Variants in MALRD1 observed in about 807,000 individuals in gnomAD.
MALRD1 encodes the protein MAM and LDL receptor class A domain containing 1.
A neutral mutation model predicts 242.1 loss-of-function variants in MALRD1; 247 were observed. That is an observed-to-expected ratio of 1.02 (90% confidence interval 0.92 to 1.13). The LOEUF (loss-of-function observed/expected upper bound fraction) is 1.13. MALRD1 is among the 50% of genes most tolerant of loss of function. The pLI is 0.00. For synonymous variants in MALRD1, 995 were observed against 866.6 expected (o/e 1.15, Z -2.60); for missense variants, 2,989 against 2,533.1 (o/e 1.18, Z -3.86).
In MALRD1 at chr10:19,204,353, T is replaced by C. The variant is rs757881319; in HGVS notation, c.2150T>C (p.Val717Ala). The change falls in exon 16 of 40, where the codon GTT (valine) becomes GCT (alanine). Residue 717 changes from valine to alanine, a missense_variant. Val to Ala is a moderately conservative substitution (Grantham distance 64). Coordinates refer to ENST00000454679, the MANE Select transcript of MALRD1 (RefSeq NM_001142308.3). ...ILKKSSSLWQVAKLQSPTFSQ... is the reference protein window; with the variant it reads ...ILKKSSSLWQAAKLQSPTFSQ... ...AAGAAAAGCAGCAGCTTGTGGCAAG[T>C]TGCTAAGCTTCAGAGCCCAACTTTC... 3 of 1,547,980 alleles carry C rather than the reference T, an allele frequency of 1.9e-6. No homozygotes were observed. In the East Asian group the frequency reaches 7.4e-5, roughly 38 times the overall value.
chr10:19,682,133 G>T (rs1446948982), intron 36 of MALRD1, among the ~76,000 whole-genome samples: 2 of 152,120 alleles, frequency 1.3e-5, no homozygotes, highest in Admixed American at 6.5e-5. Context: ...GACAATTCAA[G>T]TTGATTAAAA....
intron 32 of MALRD1, among the ~76,000 whole-genome samples, chr10:19,546,678 G>A (rs3852472): frequency 3.3e-4 from 50 of 152,252 alleles, no homozygotes; most frequent in Admixed American, 1.9e-3. Flanking sequence ...TTACCTGTAG[G>A]TGTTTGCAAA....
At chr10:19,562,475 C>A (rs373825452) in intron 32 of MALRD1, among the ~76,000 whole-genome samples, 8 of 152,140 alleles carry the variant, frequency 5.3e-5, no homozygotes, top group African/African-American at 1.9e-4. Flanking sequence ...CAAACTTATT[C>A]ACCCTGAGCC....
intron 29 of MALRD1, among the ~76,000 whole-genome samples, chr10:19,476,930 T>A (rs1025092172): frequency 6.6e-6 from 1 of 151,788 alleles, no homozygotes; most frequent in Admixed American, 6.6e-5. Context: ...TTTGTCAAAT[T>A]AAAAAAAATA....
chr10:19,327,332 T>C (rs557041126), intron 22 of MALRD1, among the ~76,000 whole-genome samples: 18 of 152,242 alleles, frequency 1.2e-4, no homozygotes, highest in African/African-American at 4.1e-4. Flanking sequence ...CCTTAGGACT[T>C]GACTGACAGA....
In MALRD1 at chr10:19,613,216, G is replaced by T. The variant is rs1486893194; in HGVS notation, c.6071-2641G>T. Reference sequence around the variant, plus strand: ...ACAGTGGTGCTATCTAAAAGGCAGAGAAAAAAATCTGAAGAAAGACCACAA... The same window carrying T: ...ACAGTGGTGCTATCTAAAAGGCAGATAAAAAAATCTGAAGAAAGACCACAA... On this transcript the variant is annotated intron_variant, in intron 35 of 39. Transcript: ENST00000454679. 2.0e-5 allele frequency among the ~76,000 whole-genome samples: 3 copies of T among 151,838 alleles called. No homozygotes were observed. In the East Asian group the frequency reaches 5.8e-4, roughly 30 times the overall value.
At chr10:19,621,351 T>TAAAAAAAAAAAAAA (rs56041015) in intron 36 of MALRD1, among the ~76,000 whole-genome samples, 4 of 121,804 alleles carry the variant, frequency 3.3e-5, no homozygotes, top group Non-Finnish European at 3.3e-5. Context: ...TAAAAATATG[T>TAAAAAAAAAAAAAA]AAAAAAAAAA....
chr10:19,237,505 T>C (rs1269102532), intron 18 of MALRD1, among the ~76,000 whole-genome samples: 3 of 62,940 alleles, frequency 4.8e-5, no homozygotes, highest in African/African-American at 2.0e-4. Context: ...TTTCATTGTG[T>C]GTGTGTCCAT....
intron 33 of MALRD1, among the ~76,000 whole-genome samples, chr10:19,571,770 A>G (rs1019550934): frequency 1.3e-5 from 2 of 152,170 alleles, no homozygotes; most frequent in Non-Finnish European, 2.9e-5. Flanking sequence ...CATTAAAACT[A>G]CTAGCTTTGT....
At chr10:19,549,601 A>G (rs542783636) in intron 32 of MALRD1, among the ~76,000 whole-genome samples, 2 of 152,312 alleles carry the variant, frequency 1.3e-5, no homozygotes, top group East Asian at 3.9e-4. Context: ...TTTTGTAGGC[A>G]TAATGCTGTT....
intron 32 of MALRD1, among the ~76,000 whole-genome samples, chr10:19,562,043 A>G (rs545506219): frequency 6.6e-6 from 1 of 152,286 alleles, no homozygotes; most frequent in South Asian, 2.1e-4. Context: ...TTACCCCTTA[A>G]TCCCAGCACT....
chr10:19,159,665 A>G (rs1355039954), intron 12 of MALRD1, among the ~76,000 whole-genome samples: 2 of 152,048 alleles, frequency 1.3e-5, no homozygotes, highest in Admixed American at 6.6e-5. Flanking sequence ...AGAAAACAGA[A>G]AAATAAGGAA....
At chr10:19,134,179 A>G (rs1173160678) in intron 9 of MALRD1, among the ~76,000 whole-genome samples, 5 of 151,818 alleles carry the variant, frequency 3.3e-5, no homozygotes, top group Non-Finnish European at 4.4e-5. Context: ...CAGCTTCCTC[A>G]CTCTCCGCAG....
At chr10:19,703,408 G>T (rs1250142928) in intron 38 of MALRD1, among the ~76,000 whole-genome samples, 1 of 152,052 alleles carries the variant, frequency 6.6e-6, no homozygotes, top group Non-Finnish European at 1.5e-5. Context: ...CTCGTGGCAG[G>T]GATGGGCCAA....
chr10:19,289,173 A>G lies in MALRD1; in HGVS notation c.3419+5992A>G, dbSNP rs140489302. On this transcript the variant is annotated intron_variant, in intron 21 of 39. Transcript: ENST00000454679. ...TATATCAATAAACTACATCTTATGAATAATCTATAAGTCCATTAAGAAAAG... is the reference window on the plus strand; with the variant it reads ...TATATCAATAAACTACATCTTATGAGTAATCTATAAGTCCATTAAGAAAAG... Among the ~76,000 whole-genome samples the G allele has an allele frequency of 2.6e-4, 40 of 152,326 alleles. No homozygotes were observed. The East Asian group carries it at 6.9e-3, about 26-fold the overall frequency.
chr10:19,619,772 AT>A (rs1220516869), intron 36 of MALRD1, among the ~76,000 whole-genome samples: 2 of 152,070 alleles, frequency 1.3e-5, no homozygotes, highest in Non-Finnish European at 2.9e-5. Context: ...TGATCTGATA[AT>A]TTGTTCAAGA....
intron 5 of MALRD1, among the ~76,000 whole-genome samples, chr10:19,112,910 T>C (rs1836729556): frequency 6.6e-6 from 1 of 152,224 alleles, no homozygotes; most frequent in Non-Finnish European, 1.5e-5. Context: ...AGTTGTTTTT[T>C]CTCACTCAAA....
chr10:19,433,583 A>C (rs147559653), intron 28 of MALRD1, among the ~76,000 whole-genome samples: 2 of 152,278 alleles, frequency 1.3e-5, no homozygotes, highest in East Asian at 3.9e-4. Context: ...ATGCTTTAGG[A>C]CATTGTGAAA....
At chr10:19,170,146 A>G (rs1022417890) in intron 13 of MALRD1, among the ~76,000 whole-genome samples, 3 of 152,236 alleles carry the variant, frequency 2.0e-5, no homozygotes, top group African/African-American at 7.2e-5. Flanking sequence ...ACAGCAAATT[A>G]ATGACATTTC....
Sources: gnomAD v4.1 joint callset for allele counts (sites outside exome capture counted in the v4.1 genomes callset) on GRCh38, gnomAD v4.1.1 for gene constraint, MANE v1.5 for transcripts, NCBI Gene and HGNC (gene_info 2026-07-23, HGNC 2026-07-21) for gene names.